TMEM132D: variants seen among roughly 807,000 people sequenced by gnomAD.
TMEM132D encodes transmembrane protein 132D.
A neutral mutation model predicts 62.3 loss-of-function variants in TMEM132D; 21 were observed. The observed-to-expected ratio is 0.34, with a 90% confidence interval of 0.24 to 0.49. The LOEUF is 0.49. Ranked by LOEUF, TMEM132D falls within the 20% of genes least tolerant of loss-of-function variation. TMEM132D has a pLI of 0.99. For missense variants in TMEM132D, 1,346 were observed against 1,402.8 expected (o/e 0.96, Z 0.65); for synonymous variants, 621 against 575.6 (o/e 1.08, Z -1.13).
rs532319971 is a variant in TMEM132D, at chr12:129,183,999, T to C, written c.1443+25521A>G. ...CATTGCAGTAATGCTGTGGCTTCCTTTCAGAAGGGGCAAATCTTTCTGTGG... is the reference window on the plus strand; with the variant it reads ...CATTGCAGTAATGCTGTGGCTTCCTCTCAGAAGGGGCAAATCTTTCTGTGG... On this transcript the variant is annotated intron_variant, in intron 5 of 8. Coordinates refer to ENST00000422113, the MANE Select transcript of TMEM132D (RefSeq NM_133448.3). Among the ~76,000 whole-genome samples, 37 of 152,290 alleles carry C rather than the reference T, an allele frequency of 2.4e-4. No individual in the cohort carries two copies. In the South Asian group the frequency reaches 7.5e-3, roughly 31 times the overall value.
intron 2 of TMEM132D, among the ~76,000 whole-genome samples, chr12:129,694,003 G>A (rs1391237013): frequency 2.6e-5 from 4 of 152,176 alleles, no homozygotes; most frequent in Admixed American, 6.5e-5. Context: ...CTCATCCTTA[G>A]GAGCAGCCTG....
At chr12:129,793,300 C>CAT (rs1871455493) in intron 1 of TMEM132D, among the ~76,000 whole-genome samples, 1 of 152,094 alleles carries the variant, frequency 6.6e-6, no homozygotes, top group Non-Finnish European at 1.5e-5. Context: ...TGGATCTTAG[C>CAT]ATATCTTCTT....
intron 2 of TMEM132D, among the ~76,000 whole-genome samples, chr12:129,621,534 A>G (rs1360451164): frequency 6.6e-6 from 1 of 152,066 alleles, no homozygotes; most frequent in Non-Finnish European, 1.5e-5. Flanking sequence ...CCACCGATGC[A>G]CCCAGTGAAT....
chr12:129,227,904 C>T (rs1879526164), intron 4 of TMEM132D, among the ~76,000 whole-genome samples: 1 of 152,118 alleles, frequency 6.6e-6, no homozygotes, highest in African/African-American at 2.4e-5. Flanking sequence ...CAGCTTTATC[C>T]ATGTCCCTAC....
intron 3 of TMEM132D, among the ~76,000 whole-genome samples, chr12:129,518,127 C>T (rs1214181762): frequency 6.6e-6 from 1 of 152,150 alleles, no homozygotes; most frequent in Non-Finnish European, 1.5e-5. Flanking sequence ...TTTTCTAATA[C>T]CTTGACAGTT....
chr12:129,771,318 C>A (rs2137283035), intron 1 of TMEM132D, among the ~76,000 whole-genome samples: 1 of 152,296 alleles, frequency 6.6e-6, no homozygotes, highest in African/African-American at 2.4e-5. Flanking sequence ...CCTCAATTTC[C>A]TCATCTGTAA....
chr12:129,302,306 G>C (rs555026094), intron 4 of TMEM132D, among the ~76,000 whole-genome samples: 1 of 152,286 alleles, frequency 6.6e-6, no homozygotes, highest in South Asian at 2.1e-4. Flanking sequence ...GTAGAGATGG[G>C]GTTTCACCAT....
chr12:129,624,148 C>A (rs911277043), intron 2 of TMEM132D, among the ~76,000 whole-genome samples: 3 of 152,184 alleles, frequency 2.0e-5, no homozygotes, highest in Admixed American at 6.5e-5. Flanking sequence ...TCTCTCTGAT[C>A]TGCATGTATT....
intron 2 of TMEM132D, among the ~76,000 whole-genome samples, chr12:129,605,604 T>TATATATATATATATATATACACACACAC (rs150550863): frequency 2.5e-4 from 27 of 106,270 alleles, no homozygotes; most frequent in Non-Finnish European, 4.6e-4. Context: ...TATATATATA[T>TATATATATATATATATATACACACACAC]ACACACACAT....
At chr12:129,149,343 AC>A (rs1877006211) in intron 5 of TMEM132D, among the ~76,000 whole-genome samples, 1 of 152,122 alleles carries the variant, frequency 6.6e-6, no homozygotes, top group South Asian at 2.1e-4. Flanking sequence ...AGGTACACTT[AC>A]GTAAAAAACC....
At chr12:129,745,972 A>T (rs1235410765) in intron 1 of TMEM132D, among the ~76,000 whole-genome samples, 1 of 152,208 alleles carries the variant, frequency 6.6e-6, no homozygotes, top group East Asian at 1.9e-4. Context: ...ACTCAGGCAC[A>T]GGTCTGGGGA....
At chr12:129,293,098 A>T (rs1881489886) in intron 4 of TMEM132D, among the ~76,000 whole-genome samples, 2 of 152,160 alleles carry the variant, frequency 1.3e-5, no homozygotes, top group African/African-American at 4.8e-5. Flanking sequence ...AGACTTGACT[A>T]GCCTGACAGG....
chr12:129,251,741 C>A (rs886567502), intron 4 of TMEM132D, among the ~76,000 whole-genome samples: 24 of 152,242 alleles, frequency 1.6e-4, no homozygotes, highest in African/African-American at 4.1e-4. Context: ...GGTCATGTGT[C>A]TAAGAATGGA....
At chr12:129,562,981 T>G (rs117045047) in intron 2 of TMEM132D, among the ~76,000 whole-genome samples, 13 of 152,222 alleles carry the variant, frequency 8.5e-5, no homozygotes, top group African/African-American at 2.9e-4. Context: ...CTGTAATTGA[T>G]ATAAGCAAGG....
intron 3 of TMEM132D, among the ~76,000 whole-genome samples, chr12:129,513,976 T>C (rs1202134913): frequency 1.3e-5 from 2 of 151,324 alleles, no homozygotes; most frequent in Non-Finnish European, 2.9e-5. Flanking sequence ...TAGCTGGGAC[T>C]ACAGGCGCCC....
chr12:129,323,422 A>AAT (rs1868785033), intron 4 of TMEM132D, among the ~76,000 whole-genome samples: 1 of 152,010 alleles, frequency 6.6e-6, no homozygotes, highest in South Asian at 2.1e-4. Context: ...ACAAACAGAA[A>AAT]AAAAATATCT....
intron 3 of TMEM132D, among the ~76,000 whole-genome samples, chr12:129,384,601 G>A (rs1446015327): frequency 6.6e-6 from 1 of 151,862 alleles, no homozygotes; most frequent in Middle Eastern, 3.2e-3. Flanking sequence ...AGGGAAAGGA[G>A]ACCCATTTCA....
At chr12:129,708,345 T>G (rs1321407757) in intron 1 of TMEM132D, among the ~76,000 whole-genome samples, 1 of 152,162 alleles carries the variant, frequency 6.6e-6, no homozygotes, top group Non-Finnish European at 1.5e-5. Context: ...TAATCCTATT[T>G]AGCCTTTGTG....
intron 2 of TMEM132D, among the ~76,000 whole-genome samples, chr12:129,609,812 T>G (rs265640): frequency 0.98 from 148,832 of 152,270 alleles, 72,823 homozygotes; most frequent in East Asian, 1. Flanking sequence ...ACGTGGATCT[T>G]CCAGTAAAAA....
Sources: allele counts gnomAD v4.1 joint callset (sites outside exome capture counted in the v4.1 genomes callset), GRCh38; gene constraint gnomAD v4.1.1; transcripts MANE v1.5; gene names NCBI Gene and HGNC (gene_info 2026-07-23, HGNC 2026-07-21).